The following CCNK variants were observed in gnomAD, a reference collection of about 807,000 sequenced individuals.
The protein encoded by CCNK is cyclin K, also known as cyclin-K.
In CCNK, 9 loss-of-function variants were observed where a neutral mutation model predicts 65.0. The ratio of observed to expected loss-of-function variants is 0.14; its 90% CI spans 0.08 to 0.24. The LOEUF (loss-of-function observed/expected upper bound fraction) is 0.24, where lower values mean the gene tolerates loss of function less well. CCNK is among the 10% of genes least tolerant of loss of function. The pLI is 1.00. For synonymous variants in CCNK, 279 were observed against 270.8 expected (o/e 1.03, Z -0.30); for missense variants, 474 against 720.0 (o/e 0.66, Z 3.91).
intron 1 of CCNK, among the ~76,000 whole-genome samples, chr14:99,488,987 G>T (rs1297317391): frequency 6.6e-6 from 1 of 150,376 alleles, no homozygotes; most frequent in Non-Finnish European, 1.5e-5. Context: ...ATTAGTCTGA[G>T]TACATCCCAG....
rs1159357091 is a variant in CCNK at position 99,512,369 on chromosome 14, GCCCCA to G, written c.*1589_*1593del. The G allele has an allele frequency of 6.6e-6, 1 of 151,070 alleles. No homozygotes were observed. Among genetic ancestry groups the G allele is most frequent in the Non-Finnish European group, 1.5e-5 (1 of 67,970 alleles). 9.4% of individuals were successfully genotyped at this position (151,070 alleles called of 1,614,324 possible). A position where few individuals can be genotyped will look rare whatever the true frequency, so the allele number is the denominator to read the frequency against. ...CTCCAAAAAGCAGCACAAATACTTT[GCCCCA>G]CAGTATGAAAAATATACACCTCTAC... is the stretch of plus-strand genomic sequence containing the variant. On this transcript the variant is annotated 3_prime_UTR_variant, in exon 11 of 11. Coordinates refer to ENST00000389879, the MANE Select transcript of CCNK (RefSeq NM_001099402.2).
chr14:99,481,821 C>T (rs1190822112), intron 1 of CCNK, among the ~76,000 whole-genome samples: 1 of 152,250 alleles, frequency 6.6e-6, no homozygotes, highest in Non-Finnish European at 1.5e-5. Context: ...CAGCCACAGA[C>T]TTCTCATATC....
intron 9 of CCNK, chr14:99,505,616 C>A (rs1478074463): frequency 6.6e-6 from 1 of 152,182 alleles, no homozygotes; most frequent in Non-Finnish European, 1.5e-5. Context: ...AATCCCAGCA[C>A]TTTGGGAGGC....
At chr14:99,495,685 T>C in intron 4 of CCNK, 56 bp downstream of exon 4, 1 of 1,497,420 alleles carries the variant, frequency 6.7e-7, no homozygotes, top group Non-Finnish European at 9.0e-7. Context: ...GGTAGTATTG[T>C]ACAGTTCCAC....
intron 1 of CCNK, among the ~76,000 whole-genome samples, chr14:99,486,915 A>G (rs1896500209): frequency 6.6e-6 from 1 of 152,190 alleles, no homozygotes. Flanking sequence ...ACAAATATTC[A>G]TATATTTCTT....
At chr14:99,494,025 A>G (rs1260117374) in intron 3 of CCNK, 1 of 155,128 alleles carries the variant, frequency 6.4e-6, no homozygotes, top group African/African-American at 2.4e-5. Flanking sequence ...GTGGTATGAC[A>G]TGCACAGAAC....
Position 99,510,311 on chromosome 14 carries a change from C to A in CCNK, c.1272C>A (p.Pro424=), listed in dbSNP as rs1336969336. ...TGCCACACCGGCCCCCGCCCCCACC[C>A]CCCTCCAGCTACATGACCGGGATGT... ...PPLPHRPPPP[P]PSSYMTGMST... is the part of the protein sequence containing the mutation. The change falls in exon 11 of 11, where the codon CCC becomes CCA. Residue 424 remains proline (P), a synonymous_variant. Transcript: ENST00000389879. The A allele has an allele frequency of 6.4e-7, 1 of 1,562,030 alleles. No individual in the cohort carries two copies. Among genetic ancestry groups the A allele is most frequent in the Non-Finnish European group, 8.8e-7 (1 of 1,142,764 alleles).
chr14:99,496,238 G>A (rs1457316799), intron 4 of CCNK, among the ~76,000 whole-genome samples: 1 of 152,102 alleles, frequency 6.6e-6, no homozygotes, highest in African/African-American at 2.4e-5. Flanking sequence ...ACTCCCATTC[G>A]CATCAAGTTC....
rs572139668 is a variant in CCNK, at chr14:99,502,320, T to C, written c.689T>C (p.Met230Thr). Residue 230 changes from methionine (M) to threonine (T), a missense_variant, in exon 7 of 11, where the codon ATG (methionine) becomes ACG (threonine). Met to Thr is a moderately conservative substitution (Grantham distance 81, BLOSUM62 -1). This residue lies in a region of CCNK where 67 missense variants were observed against 150.2 expected (regional missense o/e 0.45). Coordinates refer to ENST00000389879, the MANE Select transcript of CCNK (RefSeq NM_001099402.2). ...ATACAAGAATGGACCTCCAAACCCA[T>C]GTATAGGAGATGGTGGGAGCAGTTT... ...FEIQEWTSKPMYRRWWEQFVQ... is the reference protein window; with the variant it reads ...FEIQEWTSKPTYRRWWEQFVQ... The C allele has an allele frequency of 5.6e-6, 9 of 1,613,468 alleles. No homozygotes were observed. The highest frequency in any genetic ancestry group is 1.3e-5 in the African/African-American group (1 of 74,944).
intron 1 of CCNK, 131 bp from the exon 2 acceptor site, chr14:99,492,495 G>A: frequency 1.8e-6 from 1 of 570,506 alleles, no homozygotes; most frequent in East Asian, 3.2e-5. Flanking sequence ...AGTTAGCCCG[G>A]GCTTGTAACT....
intron 10 of CCNK, chr14:99,507,897 AGAG>A (rs1897015371): frequency 6.6e-6 from 1 of 152,272 alleles, no homozygotes; most frequent in Admixed American, 6.5e-5. Context: ...CGCTGGCAAT[AGAG>A]GAGAAAAGCT....
chr14:99,506,088 C>CA (rs1334917940), intron 9 of CCNK: 2 of 152,354 alleles, frequency 1.3e-5, no homozygotes, highest in African/African-American at 4.8e-5. Flanking sequence ...GTTTTGGTGG[C>CA]AAGATGGACG....
chr14:99,499,099 G>T (rs2139866646), intron 4 of CCNK, among the ~76,000 whole-genome samples: 1 of 152,336 alleles, frequency 6.6e-6, no homozygotes, highest in Non-Finnish European at 1.5e-5. Flanking sequence ...GAGTGCAGTG[G>T]CACAGTCTCA....
intron 4 of CCNK, chr14:99,500,554 C>T: frequency 2.0e-6 from 1 of 505,966 alleles, no homozygotes; most frequent in Non-Finnish European, 3.5e-6. Context: ...TTTTACATTA[C>T]ACCTCTGCTT....
intron 3 of CCNK, 78 bp downstream of exon 3, chr14:99,493,673 CT>C: frequency 1.1e-6 from 1 of 929,996 alleles, no homozygotes; most frequent in East Asian, 2.4e-5. Context: ...ATTATAAGCT[CT>C]ATTTTTCTCA....
At chr14:99,509,811 A>G (rs1280065858) in intron 10 of CCNK, 3 of 346,304 alleles carry the variant, frequency 8.7e-6, no homozygotes, top group African/African-American at 4.3e-5. Flanking sequence ...TTCTGAAGGC[A>G]GAAAAACAGA....
chr14:99,510,056 C>T, intron 10 of CCNK, 101 bp from the exon 11 acceptor site: 1 of 1,215,194 alleles, frequency 8.2e-7, no homozygotes, highest in Non-Finnish European at 1.1e-6. Flanking sequence ...CGGGCAGCTG[C>T]TCCCTGCTCC....
Position 99,510,390 on chromosome 14 carries a change from A to G in CCNK, c.1351A>G (p.Met451Val). ...GEGYQSLQSM[M>V]KTEGPSYGAL... ...GGGCTACCAGAGCCTGCAGTCCATG[A>G]TGAAGACCGAGGGACCCTCCTACGG... Residue 451 changes from methionine (M) to valine (V), a missense_variant, in exon 11 of 11, where the codon ATG becomes GTG. Physicochemically the swap from Met to Val is conservative, Grantham distance 21 (BLOSUM62 1). This residue lies in a region of CCNK where 229 missense variants were observed against 275.5 expected (regional missense o/e 0.83). Coordinates refer to ENST00000389879, the MANE Select transcript of CCNK (RefSeq NM_001099402.2). The G allele has an allele frequency of 6.4e-7, 1 of 1,565,318 alleles. No homozygotes were observed. Among genetic ancestry groups the G allele is most frequent in the Non-Finnish European group, 8.6e-7 (1 of 1,157,450 alleles).
chr14:99,493,473 C>G (rs778894740), intron 2 of CCNK, 41 bp from the exon 3 acceptor site: 2 of 1,267,104 alleles, frequency 1.6e-6, no homozygotes, highest in East Asian at 2.3e-5. Context: ...AGAGTATAAC[C>G]TGTAAAAGTT....
Sources: allele counts gnomAD v4.1 joint callset (sites outside exome capture counted in the v4.1 genomes callset), GRCh38; gene constraint gnomAD v4.1.1; regional missense constraint gnomAD v4.1.1; transcripts MANE v1.5; gene names NCBI Gene and HGNC (gene_info 2026-07-23, HGNC 2026-07-21).